SUCLG1: variants seen among roughly 807,000 people sequenced by gnomAD.
SUCLG1 encodes succinate-CoA ligase GDP/ADP-forming subunit alpha, also known as succinate--CoA ligase [ADP/GDP-forming] subunit alpha, mitochondrial.
SUCLG1 carries 26 observed loss-of-function variants against 37.3 expected under a neutral mutation model. That is an observed-to-expected ratio of 0.70 (90% confidence interval 0.51 to 0.97). SUCLG1 has a LOEUF of 0.97. Among genes scored for constraint, SUCLG1 ranks in the 50% least tolerant of loss-of-function variants. The pLI is 0.00. For synonymous variants in SUCLG1, 163 were observed against 155.6 expected, an observed-to-expected ratio of 1.05 and a Z score of -0.36; for missense variants, 433 against 432.9, an observed-to-expected ratio of 1.00 and a Z score of 0.00.
chr2:84,447,713 A>G (rs1558613619), intron 2 of SUCLG1, among the ~76,000 whole-genome samples: 1 of 152,154 alleles, frequency 6.6e-6, no homozygotes, highest in Non-Finnish European at 1.5e-5. Context: ...TGGCATACAT[A>G]AGATTATTTA....
At chr2:84,451,743 G>A (rs1326173973) in intron 1 of SUCLG1, among the ~76,000 whole-genome samples, 1 of 152,160 alleles carries the variant, frequency 6.6e-6, no homozygotes, top group African/African-American at 2.4e-5. Flanking sequence ...AGAGCCTGCA[G>A]CATCTAATTA....
rs370239148 is a variant in SUCLG1, at chr2:84,435,090, C to T, written c.590-1655G>A. On this transcript the variant is annotated intron_variant, in intron 5 of 8. Coordinates refer to ENST00000393868, the MANE Select transcript of SUCLG1 (RefSeq NM_003849.4). ...AGCCCAGCAGAGTCCCAGCTTCCCT[C>T]TCCAGACTTGTTTCTTACTATTTCC... 1.2e-4 allele frequency among the ~76,000 whole-genome samples: 18 copies of T among 152,314 alleles called. 1 individual carries two copies. Among genetic ancestry groups the T allele is most frequent in the African/African-American group, 4.1e-4 (17 of 41,576 alleles).
At chr2:84,457,106 A>G (rs1486179615) in intron 1 of SUCLG1, among the ~76,000 whole-genome samples, 2 of 152,220 alleles carry the variant, frequency 1.3e-5, no homozygotes, top group Non-Finnish European at 1.5e-5. Flanking sequence ...GTTGAAACTT[A>G]ACAGAGGGAA....
chr2:84,446,867 C>G (rs903884243), intron 2 of SUCLG1, among the ~76,000 whole-genome samples: 8 of 152,168 alleles, frequency 5.3e-5, no homozygotes, highest in Middle Eastern at 3.2e-3. Context: ...AGCACCTACA[C>G]TGGTTTTTTG....
chr2:84,426,288 AAAAAG>A (rs1558607370), intron 7 of SUCLG1: 1 of 151,970 alleles, frequency 6.6e-6, no homozygotes, highest in Non-Finnish European at 1.5e-5. Context: ...AAAAAAAAAA[AAAAAG>A]AAAATATAAA....
intron 2 of SUCLG1, among the ~76,000 whole-genome samples, chr2:84,447,881 C>T (rs1672873006): frequency 6.6e-6 from 1 of 152,088 alleles, no homozygotes; most frequent in East Asian, 1.9e-4. Flanking sequence ...AGGCATGCAC[C>T]ACCACACCCA....
rs181224982 is a variant in SUCLG1 at position 84,447,693 on chromosome 2, A to G, written c.201+1956T>C. Among the ~76,000 whole-genome samples the G allele has an allele frequency of 6.9e-3, 1,044 of 152,310 alleles. 10 individuals are homozygous for G. Among genetic ancestry groups the G allele is most frequent in the African/African-American group, 0.023 (956 of 41,560 alleles). ...AAGATCTACTTTCCTTAGAATGTAT[A>G]TAAGGGAAGTGGCATACATAAGATT... On this transcript the variant is annotated intron_variant, in intron 2 of 8. Transcript: ENST00000393868.
intron 7 of SUCLG1, 53 bp downstream of exon 7, chr2:84,431,455 C>G: frequency 1.2e-6 from 2 of 1,603,944 alleles, no homozygotes; most frequent in Non-Finnish European, 1.7e-6. Flanking sequence ...ACTTCTGAAA[C>G]AAGCCTCTGA....
intron 1 of SUCLG1, among the ~76,000 whole-genome samples, chr2:84,450,183 C>T (rs934905599): frequency 6.6e-6 from 1 of 152,004 alleles, no homozygotes. Flanking sequence ...AGCCTAATAC[C>T]TTTAAATAGG....
Position 84,423,759 on chromosome 2 carries a change from C to G in SUCLG1, c.1028G>C (p.Arg343Thr), listed in dbSNP as rs748995693. The change falls in exon 9 of 9, where the codon AGG becomes ACG. Residue 343 changes from arginine (R) to threonine (T), a missense_variant. By Grantham distance (71) the Arg-to-Thr change is moderately conservative. Coordinates refer to ENST00000393868, the MANE Select transcript of SUCLG1 (RefSeq NM_003849.4). ...GTTIYKEFEKRKML is the reference protein window; with the variant it reads ...GTTIYKEFEKTKML Reference sequence around the variant, plus strand: ...TTTTTTTTTCTTTCATAGCATCTTCCTCTTTTCAAATTCCTTCAGAAACAG... The same window carrying G: ...TTTTTTTTTCTTTCATAGCATCTTCGTCTTTTCAAATTCCTTCAGAAACAG... The G allele has an allele frequency of 1.2e-6, 2 of 1,606,166 alleles. No individual in the cohort carries two copies. The highest frequency in any genetic ancestry group is 8.5e-7 in the Non-Finnish European group (1 of 1,175,352).
intron 1 of SUCLG1, among the ~76,000 whole-genome samples, chr2:84,451,151 T>C (rs1480595293): frequency 6.6e-6 from 1 of 152,170 alleles, no homozygotes; most frequent in Non-Finnish European, 1.5e-5. Flanking sequence ...TGGCTTCCAC[T>C]TCTCCCAGCT....
In SUCLG1 at chr2:84,433,470, G is replaced by C. The variant is rs868671843; in HGVS notation, c.590-35C>G. 2.5e-6 allele frequency: 4 copies of C among 1,575,232 alleles called. No individual in the cohort carries two copies. The East Asian group carries it at 9.0e-5, about 35-fold the overall frequency. On this transcript the variant is annotated intron_variant, in intron 5 of 8. Transcript: ENST00000393868. ...AGAGAATTCAAAAATATTAGATTGT[G>C]TTTCTATGTTAGACTAAAACATGGT...
At chr2:84,435,132 G>T (rs746940939) in intron 5 of SUCLG1, among the ~76,000 whole-genome samples, 8 of 152,056 alleles carry the variant, frequency 5.3e-5, no homozygotes, top group Non-Finnish European at 1.2e-4. Context: ...AGTGAAACTG[G>T]GTTATTCCTC....
At chr2:84,450,404 C>T (rs1174595207) in intron 1 of SUCLG1, among the ~76,000 whole-genome samples, 1 of 138,522 alleles carries the variant, frequency 7.2e-6, no homozygotes, top group Non-Finnish European at 1.5e-5. Context: ...CAGGAAAAAG[C>T]TTGTTAGGAA....
At position 84,423,695 on chromosome 2, in the gene SUCLG1, G is replaced by C; in HGVS notation, c.*51C>G. On this transcript the variant is annotated 3_prime_UTR_variant, in exon 9 of 9. Coordinates refer to ENST00000393868, the MANE Select transcript of SUCLG1 (RefSeq NM_003849.4). ...GACAACAGAAGCAAACTGCTGCTGG[G>C]TTACATGTCTACGTGATCCATTCCA... 1 of 1,557,708 alleles carries C rather than the reference G, an allele frequency of 6.4e-7. No homozygotes were observed. The highest frequency in any genetic ancestry group is 8.8e-7 in the Non-Finnish European group (1 of 1,137,834).
At chr2:84,425,650 A>T in intron 7 of SUCLG1, 47 bp from the exon 8 acceptor site, 1 of 1,603,992 alleles carries the variant, frequency 6.2e-7, no homozygotes. Flanking sequence ...GAAGTCAATC[A>T]AAACGGGACC....
At chr2:84,445,723 T>C (rs971264085) in intron 2 of SUCLG1, among the ~76,000 whole-genome samples, 2 of 152,234 alleles carry the variant, frequency 1.3e-5, no homozygotes, top group African/African-American at 4.8e-5. Context: ...CTCCCCCTTC[T>C]ACTGCTATCA....
rs1029575431 is a variant in SUCLG1 at position 84,448,656 on chromosome 2, T to G, written c.201+993A>C. On this transcript the variant is annotated intron_variant, in intron 2 of 8. Transcript: ENST00000393868. ...TTGATAGTATTCCCTTTTAAAAAAA[T>G]TCTGTGCATCTACTATGGTGGAAGA... Among the ~76,000 whole-genome samples the G allele has an allele frequency of 3.3e-5, 5 of 152,022 alleles. 1 individual carries two copies. In the South Asian group the frequency reaches 1.0e-3, roughly 31 times the overall value.
At chr2:84,429,826 G>A (rs994650090) in intron 7 of SUCLG1, among the ~76,000 whole-genome samples, 1 of 152,106 alleles carries the variant, frequency 6.6e-6, no homozygotes, top group African/African-American at 2.4e-5. Context: ...TAAACAGAAT[G>A]GCCTAAGAGT....
Sources: gnomAD v4.1 joint callset for allele counts (sites outside exome capture counted in the v4.1 genomes callset) on GRCh38, gnomAD v4.1.1 for gene constraint, MANE v1.5 for transcripts, NCBI Gene and HGNC (gene_info 2026-07-23, HGNC 2026-07-21) for gene names.